The following TBC1D19 variants were observed in gnomAD, a reference collection of about 807,000 sequenced individuals.
TBC1D19 encodes TBC1 domain family member 19.
A neutral mutation model predicts 89.0 loss-of-function variants in TBC1D19; 60 were observed. That is an observed-to-expected ratio of 0.67 (90% confidence interval 0.55 to 0.84). TBC1D19 has a LOEUF of 0.84. Ranked by LOEUF, TBC1D19 falls within the 40% of genes least tolerant of loss-of-function variation. The pLI is 0.00. For missense variants in TBC1D19, 500 were observed against 610.8 expected (o/e 0.82, Z 1.91); for synonymous variants, 189 against 199.7 (o/e 0.95, Z 0.45).
At chr4:26,858,155 C>T in the TBC1D19 span, 1 of 152,150 alleles carries the variant, frequency 6.6e-6, no homozygotes, top group Non-Finnish European at 1.5e-5. Context: ...AACCTGTCTG[C>T]ACGTAACACA....
At position 26,722,144 on chromosome 4, in the gene TBC1D19, G is replaced by A. The variant is rs556539899; in HGVS notation, c.1084+2019G>A. On this transcript the variant is annotated intron_variant, in intron 15 of 20. Coordinates refer to ENST00000264866, the MANE Select transcript of TBC1D19 (RefSeq NM_018317.4). ...TTGCCTCAGTATCTAGCATGTAATA[G>A]GACTGTAATGAGTATTTATTTGAAC... 1.3e-5 allele frequency among the ~76,000 whole-genome samples: 2 copies of A among 152,108 alleles called. 1 individual carries two copies. Among genetic ancestry groups the A allele is most frequent in the South Asian group, 4.2e-4 (2 of 4,814 alleles).
At chr4:26,732,875 T>C (rs1406199331) in intron 15 of TBC1D19, among the ~76,000 whole-genome samples, 2 of 152,038 alleles carry the variant, frequency 1.3e-5, no homozygotes, top group African/African-American at 4.8e-5. Context: ...AAACATGAAA[T>C]ATGAAGAACA....
rs1043376240 is a variant in TBC1D19, at chr4:26,706,158, G to C, written c.955-11775G>C. On this transcript the variant is annotated intron_variant, in intron 13 of 20. Transcript: ENST00000264866. ...TAGAATTAACCAGTGAAGCCATCAGGACCAAGGCTTTTCTTTGTCAGAGTT... is the reference window on the plus strand; with the variant it reads ...TAGAATTAACCAGTGAAGCCATCAGCACCAAGGCTTTTCTTTGTCAGAGTT... Among the ~76,000 whole-genome samples, 3 of 152,128 alleles carry C rather than the reference G, an allele frequency of 2.0e-5. No homozygotes were observed. The East Asian group carries it at 5.8e-4, about 29-fold the overall frequency.
chr4:26,592,533 A>C (rs1018333751), intron 1 of TBC1D19, among the ~76,000 whole-genome samples: 1 of 152,204 alleles, frequency 6.6e-6, no homozygotes, highest in African/African-American at 2.4e-5. Flanking sequence ...AATTAGGAAA[A>C]GAGGAAATCA....
intron 12 of TBC1D19, among the ~76,000 whole-genome samples, chr4:26,688,097 G>T (rs1029036183): frequency 6.6e-5 from 10 of 152,192 alleles, no homozygotes; most frequent in African/African-American, 2.4e-4. Context: ...ATTAAAAGGA[G>T]ATAAAATTGA....
chr4:26,742,749 G>C (rs956802070), intron 18 of TBC1D19, 150 bp downstream of exon 18: 2 of 513,024 alleles, frequency 3.9e-6, no homozygotes, highest in African/African-American at 3.9e-5. Flanking sequence ...TTAGTAAATT[G>C]TAATAACATT....
At chr4:26,734,944 G>A (rs543697643) in intron 15 of TBC1D19, among the ~76,000 whole-genome samples, 243 of 58,266 alleles carry the variant, frequency 4.2e-3, no homozygotes, top group African/African-American at 0.01. Flanking sequence ...GTGTATATAT[G>A]TATACACATA....
chr4:26,677,194 C>G (rs1712896319), intron 11 of TBC1D19, among the ~76,000 whole-genome samples: 1 of 152,140 alleles, frequency 6.6e-6, no homozygotes, highest in South Asian at 2.1e-4. Context: ...ATAATTCCTT[C>G]TTGATTTAAC....
intron 7 of TBC1D19, among the ~76,000 whole-genome samples, chr4:26,644,258 G>A (rs1368430033): frequency 1.3e-5 from 2 of 151,924 alleles, no homozygotes; most frequent in East Asian, 3.9e-4. Flanking sequence ...GGGATGCAAG[G>A]CTGGTTCAAT....
intron 19 of TBC1D19, among the ~76,000 whole-genome samples, chr4:26,749,714 TG>T (rs1026163897): frequency 2.0e-4 from 30 of 152,146 alleles, no homozygotes; most frequent in African/African-American, 7.0e-4. Context: ...CCCAGAGTGC[TG>T]GGATTACAGG....
chr4:26,663,791 T>TG (rs1412318451), intron 8 of TBC1D19, among the ~76,000 whole-genome samples: 1 of 152,204 alleles, frequency 6.6e-6, no homozygotes, highest in African/African-American at 2.4e-5. Flanking sequence ...TCTGTGACCC[T>TG]GGTCTGTCTG....
chr4:26,665,136 C>A (rs981964622), intron 8 of TBC1D19, among the ~76,000 whole-genome samples: 1 of 152,052 alleles, frequency 6.6e-6, no homozygotes, highest in Non-Finnish European at 1.5e-5. Context: ...GGCTAGCAGG[C>A]CAGTCCAGGG....
intron 13 of TBC1D19, among the ~76,000 whole-genome samples, chr4:26,696,927 C>A (rs1376415855): frequency 6.6e-6 from 1 of 151,830 alleles, no homozygotes; most frequent in African/African-American, 2.4e-5. Context: ...AAATTGACAC[C>A]CTAACATCAC....
In TBC1D19 at chr4:26,657,012, C is replaced by CTTCTCCTTCTCT. The variant is rs1560451681; in HGVS notation, c.481-2574_481-2573insTTTCTCCTTCTC. Among the ~76,000 whole-genome samples the CTTCTCCTTCTCT allele has an allele frequency of 1.6e-3, 193 of 121,504 alleles. 1 individual carries two copies. The highest frequency in any genetic ancestry group is 4.1e-3 in the Middle Eastern group (1 of 244). 79.7% of individuals were successfully genotyped at this position (121,504 alleles called of 152,430 possible). A position where few individuals can be genotyped will look rare whatever the true frequency, so the allele number is the denominator to read the frequency against. ...TCTTCTCCTTCTCCTTCTCCTTCTCCTTCTCCTTCTCCTTCTCCTTCTCTC... is the reference window on the plus strand; with the variant it reads ...TCTTCTCCTTCTCCTTCTCCTTCTCCTTCTCCTTCTCTTTCTCCTTCTCCTTCTCCTTCTCTC... On this transcript the variant is annotated intron_variant, in intron 7 of 20. Coordinates refer to ENST00000264866, the MANE Select transcript of TBC1D19 (RefSeq NM_018317.4).
intron 4 of TBC1D19, among the ~76,000 whole-genome samples, chr4:26,625,649 T>A (rs1213446605): frequency 6.6e-6 from 1 of 152,172 alleles, no homozygotes; most frequent in Non-Finnish European, 1.5e-5. Flanking sequence ...TATGACAGTT[T>A]CTCAGACTTT....
chr4:26,741,894 A>C (rs984617550), intron 17 of TBC1D19, among the ~76,000 whole-genome samples: 2 of 152,258 alleles, frequency 1.3e-5, no homozygotes, highest in African/African-American at 4.8e-5. Flanking sequence ...GCCCTTTTAA[A>C]AACAGTAGAT....
the TBC1D19 span, among the ~76,000 whole-genome samples, chr4:26,817,975 A>ACATATATATATATATAT: frequency 1.2e-3 from 121 of 105,158 alleles, 1 homozygote; most frequent in African/African-American, 3.9e-3. Flanking sequence ...ATTTAAAAAA[A>ACATATATATATATATAT]AAAAAAATAT....
intron 13 of TBC1D19, among the ~76,000 whole-genome samples, chr4:26,717,574 C>T (rs1459958264): frequency 1.3e-5 from 2 of 152,062 alleles, no homozygotes; most frequent in African/African-American, 4.8e-5. Context: ...ATTTCCTGCA[C>T]TTCCCAAATT....
chr4:26,852,547 A>C, the TBC1D19 span, among the ~76,000 whole-genome samples: 11 of 151,770 alleles, frequency 7.2e-5, no homozygotes, highest in Non-Finnish European at 1.5e-4. Context: ...ACAGGGCGAG[A>C]CCCTGTCTTA....
Sources: allele counts gnomAD v4.1 joint callset (sites outside exome capture counted in the v4.1 genomes callset), GRCh38; gene constraint gnomAD v4.1.1; transcripts MANE v1.5; gene names NCBI Gene and HGNC (gene_info 2026-07-23, HGNC 2026-07-21).